The following GTF2F2 variants were observed in gnomAD, a reference collection of about 807,000 sequenced individuals.
The protein encoded by GTF2F2 is ATP-dependent helicase GTF2F2.
In GTF2F2, 23 loss-of-function variants were observed where a neutral mutation model predicts 42.2. The ratio of observed to expected loss-of-function variants is 0.55; its 90% CI spans 0.39 to 0.77. GTF2F2 has a LOEUF of 0.77. Among genes scored for constraint, GTF2F2 ranks in the 30% least tolerant of loss-of-function variants. GTF2F2 has a pLI of 0.00. For missense variants in GTF2F2, 261 were observed against 287.2 expected (o/e 0.91, Z 0.66); for synonymous variants, 105 against 100.8 (o/e 1.04, Z -0.25).
chr13:45,274,911 C>CAA (rs879687807), intron 7 of GTF2F2, among the ~76,000 whole-genome samples: 1 of 136,468 alleles, frequency 7.3e-6, no homozygotes, highest in Non-Finnish European at 1.6e-5. Flanking sequence ...GACCCTGTCT[C>CAA]AAAAAAAAAA....
At chr13:45,193,879 A>G (rs1337139437) in intron 4 of GTF2F2, 1 of 1,614,154 alleles carries the variant, frequency 6.2e-7, no homozygotes, top group Non-Finnish European at 8.5e-7. Context: ...CTTTAAAGCC[A>G]TCATGATAGC....
chr13:45,184,397 C>CTTT (rs373319614), intron 4 of GTF2F2, among the ~76,000 whole-genome samples: 1 of 147,860 alleles, frequency 6.8e-6, no homozygotes, highest in African/African-American at 2.6e-5. Flanking sequence ...CCCCCCCGCC[C>CTTT]TTTTTTTTTG....
At chr13:45,144,961 A>G (rs911191540) in intron 2 of GTF2F2, among the ~76,000 whole-genome samples, 4 of 152,188 alleles carry the variant, frequency 2.6e-5, no homozygotes, top group African/African-American at 9.7e-5. Context: ...TTCCTGCTCA[A>G]AACAACATAG....
At chr13:45,215,097 A>C (rs948994527) in intron 5 of GTF2F2, among the ~76,000 whole-genome samples, 2 of 152,220 alleles carry the variant, frequency 1.3e-5, no homozygotes, top group African/African-American at 4.8e-5. Flanking sequence ...TTAGTCCAAA[A>C]ATCTGAAATC....
chr13:45,271,089 G>A (rs970153675), intron 7 of GTF2F2, among the ~76,000 whole-genome samples: 2 of 151,796 alleles, frequency 1.3e-5, no homozygotes, highest in Non-Finnish European at 2.9e-5. Context: ...TCAGGAGATC[G>A]AGACTATCCT....
chr13:45,225,190 A>T lies in GTF2F2; in HGVS notation c.386+17685A>T, dbSNP rs974237869. Reference sequence around the variant, plus strand: ...ACATATTTTGAGAAATATATTCTGTAGTCTGGCAGATAAAGAATTCTTAAC... The same window carrying T: ...ACATATTTTGAGAAATATATTCTGTTGTCTGGCAGATAAAGAATTCTTAAC... On this transcript the variant is annotated intron_variant, in intron 5 of 7. Transcript: ENST00000340473. Among the ~76,000 whole-genome samples, 7 of 152,218 alleles carry T rather than the reference A, an allele frequency of 4.6e-5. No homozygotes were observed. The East Asian group carries it at 1.3e-3, about 29-fold the overall frequency.
At chr13:45,121,986 G>C (rs7988341) in intron 1 of GTF2F2, among the ~76,000 whole-genome samples, 5,300 of 152,208 alleles carry the variant, frequency 0.035, 274 homozygotes, top group African/African-American at 0.11. Flanking sequence ...TGTCCTAGGA[G>C]CATGGTAAAT....
At chr13:45,272,381 C>T (rs1235438898) in intron 7 of GTF2F2, among the ~76,000 whole-genome samples, 2 of 136,558 alleles carry the variant, frequency 1.5e-5, no homozygotes, top group Non-Finnish European at 3.1e-5. Flanking sequence ...GGAACAGTAA[C>T]ATTTTCCCTT....
intron 4 of GTF2F2, among the ~76,000 whole-genome samples, chr13:45,198,412 G>T (rs1873009494): frequency 6.6e-6 from 1 of 152,176 alleles, no homozygotes; most frequent in African/African-American, 2.4e-5. Context: ...GATACAAAAA[G>T]TATGATAATT....
At chr13:45,167,517 C>T (rs1415735085) in intron 4 of GTF2F2, among the ~76,000 whole-genome samples, 1 of 151,514 alleles carries the variant, frequency 6.6e-6, no homozygotes, top group Non-Finnish European at 1.5e-5. Context: ...CCTGCCTTAG[C>T]CTCCCAAGTA....
In GTF2F2 at chr13:45,275,764, C is replaced by T. The variant is rs796894612; in HGVS notation, c.631-7678C>T. On this transcript the variant is annotated intron_variant, in intron 7 of 7. Coordinates refer to ENST00000340473, the MANE Select transcript of GTF2F2 (RefSeq NM_004128.3). Reference sequence around the variant, plus strand: ...TGTGAATAGTGCTGCAGTAAACATACGTGTGCATGTGTCTTTATAACAGCA... The same window carrying T: ...TGTGAATAGTGCTGCAGTAAACATATGTGTGCATGTGTCTTTATAACAGCA... Among the ~76,000 whole-genome samples, 15 of 152,136 alleles carry T rather than the reference C, an allele frequency of 9.9e-5. 1 individual carries two copies. The highest frequency in any genetic ancestry group is 3.4e-4 in the African/African-American group (14 of 41,500).
chr13:45,266,320 AGAT>A (rs1876557933), intron 6 of GTF2F2, among the ~76,000 whole-genome samples: 1 of 152,198 alleles, frequency 6.6e-6, no homozygotes, highest in Non-Finnish European at 1.5e-5. Context: ...CTTGTGTCTG[AGAT>A]GATAAGTATA....
At chr13:45,159,693 C>G (rs1419171439) in intron 4 of GTF2F2, among the ~76,000 whole-genome samples, 1 of 152,214 alleles carries the variant, frequency 6.6e-6, no homozygotes, top group Non-Finnish European at 1.5e-5. Context: ...AGGCTGTTCT[C>G]AAACTCCTGA....
At chr13:45,192,956 G>A (rs1872718563) in intron 4 of GTF2F2, 1 of 152,122 alleles carries the variant, frequency 6.6e-6, no homozygotes. Flanking sequence ...GAATTTGCTG[G>A]TTTTTGTCAC....
intron 4 of GTF2F2, among the ~76,000 whole-genome samples, chr13:45,185,590 C>T (rs1020306441): frequency 6.6e-6 from 1 of 152,144 alleles, no homozygotes; most frequent in Non-Finnish European, 1.5e-5. Context: ...GTATTATATA[C>T]TTTTAAGTGT....
At chr13:45,186,314 CAG>C in intron 4 of GTF2F2, among the ~76,000 whole-genome samples, 1 of 143,898 alleles carries the variant, frequency 6.9e-6, no homozygotes, top group African/African-American at 2.6e-5. Context: ...TTTTTTGAGA[CAG>C]AGTCTGGCCC....
chr13:45,223,431 G>A (rs138129965), intron 5 of GTF2F2, among the ~76,000 whole-genome samples: 2 of 152,112 alleles, frequency 1.3e-5, no homozygotes, highest in East Asian at 1.9e-4. Flanking sequence ...TGTCGGGTAC[G>A]CACACCAATT....
At chr13:45,236,887 A>G (rs1348873938) in intron 5 of GTF2F2, among the ~76,000 whole-genome samples, 1 of 152,196 alleles carries the variant, frequency 6.6e-6, no homozygotes, top group Non-Finnish European at 1.5e-5. Flanking sequence ...CTTGAGTCAT[A>G]TTTTAATATG....
chr13:45,240,219 G>A (rs1219604453), intron 5 of GTF2F2, among the ~76,000 whole-genome samples: 1 of 150,568 alleles, frequency 6.6e-6, no homozygotes, highest in Non-Finnish European at 1.5e-5. Flanking sequence ...CTTAGGATGG[G>A]AGCATGGGGA....
Sources: gnomAD v4.1 joint callset for allele counts (sites outside exome capture counted in the v4.1 genomes callset) on GRCh38, gnomAD v4.1.1 for gene constraint, MANE v1.5 for transcripts, NCBI Gene and HGNC (gene_info 2026-07-23, HGNC 2026-07-21) for gene names.